Variants in WIPF2 observed in about 807,000 individuals in gnomAD.
WIPF2 encodes WAS/WASL-interacting protein family member 2.
In WIPF2, 23 loss-of-function variants were observed where a neutral mutation model predicts 38.8. The observed-to-expected ratio is 0.59, with a 90% CI of 0.43 to 0.84. WIPF2 has a LOEUF of 0.84. Ranked by LOEUF, WIPF2 falls within the 40% of genes least tolerant of loss-of-function variation. The pLI, the probability that WIPF2 is intolerant of heterozygous loss-of-function variation, is 0.00. For synonymous variants in WIPF2, 210 were observed against 223.2 expected (o/e 0.94, Z 0.53); for missense variants, 574 against 580.5 (o/e 0.99, Z 0.11).
intron 6 of WIPF2, among the ~76,000 whole-genome samples, chr17:40,276,029 A>T (rs2032388164): frequency 6.6e-6 from 1 of 152,168 alleles, no homozygotes; most frequent in African/African-American, 2.4e-5. Context: ...GAGCTTTCTG[A>T]TGGAGGGGCT....
At chr17:40,275,797 G>T (rs927923818) in intron 6 of WIPF2, among the ~76,000 whole-genome samples, 1 of 151,978 alleles carries the variant, frequency 6.6e-6, no homozygotes, top group Non-Finnish European at 1.5e-5. Context: ...AAACTCCTGG[G>T]CTCAAGCTAC....
rs989013549 is a variant in WIPF2, at chr17:40,279,775, A to C, written c.*1550A>C. 1.3e-5 allele frequency: 2 copies of C among 151,876 alleles called. No homozygotes were observed. Among genetic ancestry groups the C allele is most frequent in the African/African-American group, 4.8e-5 (2 of 41,270 alleles). The allele number at this position is 151,876 out of a possible 1,614,324, so 9.4% of individuals were successfully genotyped here. On this transcript the variant is annotated 3_prime_UTR_variant, in exon 8 of 8. Transcript: ENST00000323571. ...GGCTACTCTTTGAAATGGATGGGGA[A>C]AATTAGCTTAAAAATTTAATCACGA...
chr17:40,281,414 T>C lies in WIPF2; in HGVS notation c.*3189T>C, dbSNP rs1039925219. On this transcript the variant is annotated 3_prime_UTR_variant, in exon 8 of 8. Coordinates refer to ENST00000323571, the MANE Select transcript of WIPF2 (RefSeq NM_133264.5). ...GAACCTGGACCAAAGCACTTTGATA[T>C]TCCAGGTGTGATTTTCTCTGTCATG... 6.6e-6 allele frequency: 1 copy of C among 152,200 alleles called. No homozygotes were observed. 9.4% of individuals were successfully genotyped at this position (152,200 alleles called of 1,614,324 possible). A position where few individuals can be genotyped will look rare whatever the true frequency, so the allele number is the denominator to read the frequency against.
chr17:40,222,577 GTGTGTGTGTT>G lies in WIPF2; in HGVS notation c.-70+3095_-70+3104del, dbSNP rs1567706730. On this transcript the variant is annotated intron_variant, in intron 1 of 7. Transcript: ENST00000323571. ...TTCTTCCTCTTAGCCTTGCTCATGT[GTGTGTGTGTT>G]TGTGTGTGTGTGTGTGTGTCTGCGT... Among the ~76,000 whole-genome samples the G allele has an allele frequency of 4.7e-5, 7 of 147,982 alleles. No individual in the cohort carries two copies. In the East Asian group the frequency reaches 8.1e-4, roughly 17 times the overall value.
chr17:40,222,573 A>G (rs72836643), intron 1 of WIPF2, among the ~76,000 whole-genome samples: 23,290 of 139,738 alleles, frequency 0.17, 1,982 homozygotes, highest in East Asian at 0.3. Context: ...AGCCTTGCTC[A>G]TGTGTGTGTG....
chr17:40,240,894 G>A (rs2145318510), intron 1 of WIPF2, among the ~76,000 whole-genome samples: 1 of 147,856 alleles, frequency 6.8e-6, no homozygotes. Context: ...GCAGTGAGCC[G>A]AGATAGCGCC....
At chr17:40,220,571 GTGTA>G (rs1232659860) in intron 1 of WIPF2, 3 of 85,648 alleles carry the variant, frequency 3.5e-5, no homozygotes, top group Non-Finnish European at 6.7e-5. Flanking sequence ...ACGTGTGTGT[GTGTA>G]TATATATATA....
intron 1 of WIPF2, among the ~76,000 whole-genome samples, chr17:40,251,338 A>ATTTTT (rs199868665): frequency 7.1e-6 from 1 of 140,264 alleles, no homozygotes. Context: ...GTTTTGGTTC[A>ATTTTT]TTTTTTTTTT....
chr17:40,252,351 A>G (rs896015261), intron 1 of WIPF2, among the ~76,000 whole-genome samples: 19 of 152,168 alleles, frequency 1.2e-4, no homozygotes, highest in African/African-American at 4.3e-4. Context: ...AATTATGGCA[A>G]TGGCCAATGG....
At chr17:40,264,054 C>T (rs897197208) in intron 4 of WIPF2, among the ~76,000 whole-genome samples, 8 of 151,776 alleles carry the variant, frequency 5.3e-5, no homozygotes, top group Non-Finnish European at 1.2e-4. Context: ...AGAACTAGGC[C>T]GGACGTGGTG....
rs1412420471 is a variant in WIPF2, at chr17:40,256,345, A to G, written c.-69-46A>G. Reference sequence around the variant, plus strand: ...TTCTCTCATTCTCCTGGGCACTTGTATCTAATGGTAAAGCTGTTCTTAATG... The same window carrying G: ...TTCTCTCATTCTCCTGGGCACTTGTGTCTAATGGTAAAGCTGTTCTTAATG... On this transcript the variant is annotated intron_variant, in intron 1 of 7. Transcript: ENST00000323571. 4 of 1,492,734 alleles carry G rather than the reference A, an allele frequency of 2.7e-6. No individual in the cohort carries two copies. In the South Asian group the frequency reaches 5.2e-5, roughly 19 times the overall value. The allele number at this position is 1,492,734 out of a possible 1,614,324, so 92.5% of individuals were successfully genotyped here.
At chr17:40,261,050 A>AG (rs889835604) in intron 3 of WIPF2, among the ~76,000 whole-genome samples, 5 of 151,494 alleles carry the variant, frequency 3.3e-5, no homozygotes, top group African/African-American at 1.2e-4. Context: ...AAAAAAAAAA[A>AG]AAAAAAGGCT....
At position 40,278,436 on chromosome 17, in the gene WIPF2, T is replaced by A; in HGVS notation, c.*211T>A. 1 of 572,886 alleles carries A rather than the reference T, an allele frequency of 1.7e-6. No homozygotes were observed. Among genetic ancestry groups the A allele is most frequent in the Non-Finnish European group, 3.0e-6 (1 of 328,094 alleles). The allele number at this position is 572,886 out of a possible 1,614,324, so 35.5% of individuals were successfully genotyped here. Reference sequence around the variant, plus strand: ...CAGACTCTATATTGACAGTAGGATCTCAAACCCTGCATCCATCCTTCCTCC... The same window carrying A: ...CAGACTCTATATTGACAGTAGGATCACAAACCCTGCATCCATCCTTCCTCC... On this transcript the variant is annotated 3_prime_UTR_variant, in exon 8 of 8. Transcript: ENST00000323571.
chr17:40,225,128 ATCTT>A (rs1473915919), intron 1 of WIPF2, among the ~76,000 whole-genome samples: 1 of 152,044 alleles, frequency 6.6e-6, no homozygotes, highest in African/African-American at 2.4e-5. Context: ...GCGGTCCTTT[ATCTT>A]TCTTCTAAAT....
At chr17:40,219,890 T>G (rs931496874) in intron 1 of WIPF2, 3 of 152,650 alleles carry the variant, frequency 2.0e-5, no homozygotes, top group Non-Finnish European at 4.4e-5. Flanking sequence ...GGAGGACCTG[T>G]TGGGAACGGC....
At chr17:40,238,366 C>A (rs919244496) in intron 1 of WIPF2, among the ~76,000 whole-genome samples, 1 of 152,028 alleles carries the variant, frequency 6.6e-6, no homozygotes, top group African/African-American at 2.4e-5. Flanking sequence ...TACAATGGCA[C>A]GATCTTGGCT....
chr17:40,232,321 C>T (rs1054693840), intron 1 of WIPF2, among the ~76,000 whole-genome samples: 1 of 150,740 alleles, frequency 6.6e-6, no homozygotes, highest in Non-Finnish European at 1.5e-5. Context: ...TCTGGAGTAG[C>T]TGGAATCACA....
intron 1 of WIPF2, among the ~76,000 whole-genome samples, chr17:40,235,955 TA>T (rs1371611048): frequency 6.6e-6 from 1 of 151,520 alleles, no homozygotes; most frequent in Non-Finnish European, 1.5e-5. Context: ...TTGACTGGAT[TA>T]AAAAAATTTT....
Position 40,220,344 on chromosome 17 carries a change from T to C in WIPF2, c.-70+852T>C, listed in dbSNP as rs569969067. ...TCGAGTTTTTTATCAGGAAGGAAAG[T>C]TCTTAAAAATAGCATTGAGGCAAGG... On this transcript the variant is annotated intron_variant, in intron 1 of 7. Coordinates refer to ENST00000323571, the MANE Select transcript of WIPF2 (RefSeq NM_133264.5). 2.0e-5 allele frequency: 3 copies of C among 151,876 alleles called. No individual in the cohort carries two copies. The South Asian group carries it at 6.2e-4, about 31-fold the overall frequency. The allele number at this position is 151,876 out of a possible 1,614,324, so 9.4% of individuals were successfully genotyped here.
Sources: allele counts gnomAD v4.1 joint callset (sites outside exome capture counted in the v4.1 genomes callset), GRCh38; gene constraint gnomAD v4.1.1; transcripts MANE v1.5; gene names NCBI Gene and HGNC (gene_info 2026-07-23, HGNC 2026-07-21).